The following PTPRD variants were observed in gnomAD, a reference collection of about 807,000 sequenced individuals.
The protein encoded by PTPRD is receptor-type tyrosine-protein phosphatase delta.
In PTPRD, 34 loss-of-function variants were observed where a neutral mutation model predicts 214.5. The ratio of observed to expected loss-of-function variants is 0.16; its 90% CI spans 0.12 to 0.21. The LOEUF is 0.21. Ranked by LOEUF, PTPRD falls within the 10% of genes least tolerant of loss-of-function variation. The pLI, the probability that PTPRD is intolerant of heterozygous loss-of-function variation, is 1.00. For synonymous variants in PTPRD, 1,128 were observed against 845.7 expected, an observed-to-expected ratio of 1.33 and a Z score of -5.79; for missense variants, 2,545 against 2,398.7, an observed-to-expected ratio of 1.06 and a Z score of -1.27.
At chr9:10,287,524 T>G (rs937688080) in intron 3 of PTPRD, among the ~76,000 whole-genome samples, 4 of 152,104 alleles carry the variant, frequency 2.6e-5, no homozygotes, top group Admixed American at 2.6e-4. Flanking sequence ...ATGCCGCCAT[T>G]GCTACTGCAT....
chr9:9,241,497 T>G (rs183314161), intron 9 of PTPRD, among the ~76,000 whole-genome samples: 1 of 152,098 alleles, frequency 6.6e-6, no homozygotes, highest in African/African-American at 2.4e-5. Flanking sequence ...GAAACTAAGG[T>G]AAACTTCAGA....
At chr9:9,907,026 A>G (rs2077755012) in intron 5 of PTPRD, among the ~76,000 whole-genome samples, 1 of 151,720 alleles carries the variant, frequency 6.6e-6, no homozygotes, top group African/African-American at 2.4e-5. Flanking sequence ...AAGTTTTCTT[A>G]TTTTAAATCT....
chr9:9,223,949 T>C (rs1444824562), intron 9 of PTPRD, among the ~76,000 whole-genome samples: 1 of 152,032 alleles, frequency 6.6e-6, no homozygotes, highest in Non-Finnish European at 1.5e-5. Flanking sequence ...CAGAAGACCA[T>C]GTTTATGTAT....
chr9:8,795,754 GC>G (rs1333480687), intron 11 of PTPRD, among the ~76,000 whole-genome samples: 1 of 152,116 alleles, frequency 6.6e-6, no homozygotes, highest in Non-Finnish European at 1.5e-5. Context: ...AAGTGGAAAC[GC>G]GTAAAATTCT....
intron 5 of PTPRD, among the ~76,000 whole-genome samples, chr9:9,821,841 C>T (rs1411148247): frequency 2.6e-5 from 4 of 151,220 alleles, no homozygotes; most frequent in African/African-American, 9.7e-5. Context: ...CTTAAAACTT[C>T]CAAAAATAAA....
chr9:9,130,145 G>T (rs1395304386), intron 10 of PTPRD, among the ~76,000 whole-genome samples: 1 of 152,062 alleles, frequency 6.6e-6, no homozygotes, highest in African/African-American at 2.4e-5. Context: ...TTTCAGGGGG[G>T]CTTGGGCAAT....
intron 44 of PTPRD, among the ~76,000 whole-genome samples, chr9:8,321,487 G>GTATACA (rs1827790393): frequency 2.2e-5 from 1 of 44,540 alleles, no homozygotes; most frequent in Non-Finnish European, 3.9e-5. Flanking sequence ...GTGTGTGTGT[G>GTATACA]TATATATATA....
At chr9:10,417,206 C>A (rs1053853869) in intron 2 of PTPRD, among the ~76,000 whole-genome samples, 1 of 151,898 alleles carries the variant, frequency 6.6e-6, no homozygotes, top group African/African-American at 2.4e-5. Context: ...CATAGTTCAA[C>A]CTAGTCAATC....
intron 10 of PTPRD, among the ~76,000 whole-genome samples, chr9:9,048,863 C>G (rs990979068): frequency 1.3e-5 from 2 of 152,082 alleles, no homozygotes; most frequent in Admixed American, 1.3e-4. Context: ...TATAGATACC[C>G]CATTTTCCAT....
At chr9:10,102,620 C>G (rs2098564901) in intron 3 of PTPRD, among the ~76,000 whole-genome samples, 1 of 151,392 alleles carries the variant, frequency 6.6e-6, no homozygotes, top group African/African-American at 2.4e-5. Context: ...AATTTATGCA[C>G]AATTTTAGCC....
intron 8 of PTPRD, among the ~76,000 whole-genome samples, chr9:9,441,670 G>T (rs1174003407): frequency 1.3e-5 from 2 of 151,642 alleles, no homozygotes; most frequent in African/African-American, 2.4e-5. Context: ...AATCAATGAG[G>T]CCACTTTAGA....
chr9:8,956,916 G>T (rs1217496802), intron 11 of PTPRD, among the ~76,000 whole-genome samples: 1 of 151,788 alleles, frequency 6.6e-6, no homozygotes, highest in Non-Finnish European at 1.5e-5. Flanking sequence ...GCTATTTTTT[G>T]AAACTCTGCA....
At position 9,712,478 on chromosome 9, in the gene PTPRD, C is replaced by T. The variant is rs375323760; in HGVS notation, c.-287+22055G>A. On this transcript the variant is annotated intron_variant, in intron 7 of 45. Transcript: ENST00000381196. Reference sequence around the variant, plus strand: ...TTGCCAAAAGCATGATGCTCTCTTTCAGTCAAAAACACATTGAACCCGCAG... The same window carrying T: ...TTGCCAAAAGCATGATGCTCTCTTTTAGTCAAAAACACATTGAACCCGCAG... Among the ~76,000 whole-genome samples, 13 of 152,258 alleles carry T rather than the reference C, an allele frequency of 8.5e-5. No homozygotes were observed. The South Asian group carries it at 1.7e-3, about 19-fold the overall frequency.
At chr9:8,771,033 T>TATATGTTATCTATATTA (rs963314833) in intron 11 of PTPRD, among the ~76,000 whole-genome samples, 3 of 151,792 alleles carry the variant, frequency 2.0e-5, no homozygotes, top group African/African-American at 4.8e-5. Flanking sequence ...CAAAAAAAAT[T>TATATGTTATCTATATTA]AGCCGGGCGT....
intron 10 of PTPRD, chr9:9,090,969 T>G: frequency 6.3e-7 from 1 of 1,575,026 alleles, no homozygotes; most frequent in Non-Finnish European, 8.6e-7. Context: ...TTCGCTGCAC[T>G]AACTGTGCCC....
intron 5 of PTPRD, among the ~76,000 whole-genome samples, chr9:9,815,563 A>G (rs1331723310): frequency 6.6e-6 from 1 of 152,174 alleles, no homozygotes; most frequent in Non-Finnish European, 1.5e-5. Context: ...AACAATAAAC[A>G]AAATGTAAAG....
At chr9:9,378,769 T>C (rs987012448) in intron 9 of PTPRD, among the ~76,000 whole-genome samples, 1 of 152,128 alleles carries the variant, frequency 6.6e-6, no homozygotes, top group African/African-American at 2.4e-5. Flanking sequence ...ACATATACTG[T>C]GAATCACCTT....
intron 36 of PTPRD, among the ~76,000 whole-genome samples, chr9:8,395,043 C>T (rs1287767899): frequency 6.6e-6 from 1 of 152,070 alleles, no homozygotes; most frequent in Non-Finnish European, 1.5e-5. Flanking sequence ...TTCAGCTGAG[C>T]GTCTTACCCT....
At chr9:10,219,646 AT>A (rs1234600516) in intron 3 of PTPRD, among the ~76,000 whole-genome samples, 1 of 151,802 alleles carries the variant, frequency 6.6e-6, no homozygotes, top group African/African-American at 2.4e-5. Flanking sequence ...AATCAAATAA[AT>A]TTTTTAAAAA....
Sources: allele counts gnomAD v4.1 joint callset (sites outside exome capture counted in the v4.1 genomes callset), GRCh38; gene constraint gnomAD v4.1.1; transcripts MANE v1.5; gene names NCBI Gene and HGNC (gene_info 2026-07-23, HGNC 2026-07-21).